Variants in RABL6 observed in about 807,000 individuals in gnomAD.
The protein encoded by RABL6 is rab-like protein 6.
A neutral mutation model predicts 72.9 loss-of-function variants in RABL6; 28 were observed. That is an observed-to-expected ratio of 0.38 (90% confidence interval 0.28 to 0.53). RABL6 has a LOEUF of 0.53. Ranked by LOEUF, RABL6 falls within the 20% of genes least tolerant of loss-of-function variation. The probability of loss-of-function intolerance (pLI) is 0.80; values close to 1 mark genes in which losing one functional copy is unlikely to be tolerated. For synonymous variants in RABL6, 477 were observed against 421.2 expected (o/e 1.13, Z -1.62); for missense variants, 1,029 against 1,008.4 (o/e 1.02, Z -0.28).
At chr9:136,838,104 A>G in intron 10 of RABL6, 89 bp downstream of exon 10, 1 of 1,468,896 alleles carries the variant, frequency 6.8e-7, no homozygotes. Context: ...CTAGGGGCGC[A>G]GAAGGGGCCC....
At chr9:136,836,755 C>T in intron 8 of RABL6, 1 of 165,972 alleles carries the variant, frequency 6.0e-6, no homozygotes, top group Non-Finnish European at 1.3e-5. Context: ...CCAGTTGCTG[C>T]CATCTGGCCA....
chr9:136,813,574 TC>T, intron 1 of RABL6: 1 of 361,706 alleles, frequency 2.8e-6, no homozygotes, highest in Non-Finnish European at 5.2e-6. Flanking sequence ...CCTTTACTCT[TC>T]CCATCCTTGC....
intron 1 of RABL6, among the ~76,000 whole-genome samples, chr9:136,811,523 C>T (rs889958295): frequency 1.3e-5 from 2 of 150,784 alleles, no homozygotes; most frequent in Admixed American, 1.3e-4. Context: ...GAGGCTGAGG[C>T]GGGAGAATCG....
intron 7 of RABL6, among the ~76,000 whole-genome samples, chr9:136,834,690 G>GCT (rs1848552349): frequency 6.6e-6 from 1 of 152,144 alleles, no homozygotes; most frequent in African/African-American, 2.4e-5. Flanking sequence ...TATTGGCCAG[G>GCT]ACGGTCTCGA....
At chr9:136,829,249 C>T in intron 4 of RABL6, 144 bp from the exon 5 acceptor site, 3 of 675,794 alleles carry the variant, frequency 4.4e-6, no homozygotes, top group Admixed American at 2.4e-5. Flanking sequence ...TTTAGCTATC[C>T]CATCTCTTCA....
intron 1 of RABL6, chr9:136,813,058 C>A (rs1588346146): frequency 2.6e-6 from 1 of 378,506 alleles, no homozygotes; most frequent in Non-Finnish European, 5.1e-6. Flanking sequence ...TTTGGGGCAC[C>A]CGGTTTCCTG....
At chr9:136,825,302 G>A (rs1848328590) in intron 2 of RABL6, among the ~76,000 whole-genome samples, 1 of 152,238 alleles carries the variant, frequency 6.6e-6, no homozygotes, top group Non-Finnish European at 1.5e-5. Flanking sequence ...CCATTCATTC[G>A]CACCTGTCAG....
At chr9:136,833,670 G>A (rs1396782776) in intron 7 of RABL6, 1 of 1,547,770 alleles carries the variant, frequency 6.5e-7, no homozygotes, top group Non-Finnish European at 8.7e-7. Flanking sequence ...GACTGGGTCT[G>A]GGGGACCTGG....
At chr9:136,833,470 G>C in intron 7 of RABL6, 2 of 452,092 alleles carry the variant, frequency 4.4e-6, no homozygotes, top group Non-Finnish European at 7.9e-6. Context: ...GTACCTCCTC[G>C]CCCTGGGCTG....
At chr9:136,821,806 GA>G in intron 1 of RABL6, 1 of 1,181,022 alleles carries the variant, frequency 8.5e-7, no homozygotes, top group African/African-American at 1.7e-5. Context: ...GCGGGAGAGG[GA>G]GGGGAACGAG....
At chr9:136,809,247 T>C (rs1330203311) in intron 1 of RABL6, 1 of 161,530 alleles carries the variant, frequency 6.2e-6, no homozygotes, top group Non-Finnish European at 1.4e-5. Context: ...AGAAAGACTC[T>C]TGTGCAGGTT....
chr9:136,828,432 C>T, intron 3 of RABL6, 62 bp from the exon 4 acceptor site: 2 of 1,550,790 alleles, frequency 1.3e-6, no homozygotes, highest in South Asian at 1.1e-5. Context: ...GGGGACCATG[C>T]TCCTCCTATG....
chr9:136,834,497 T>G, intron 7 of RABL6: 1 of 966,186 alleles, frequency 1.0e-6, no homozygotes, highest in Non-Finnish European at 1.2e-6. Context: ...ACTCTTTTTT[T>G]TGGAGACGGA....
chr9:136,824,523 G>T (rs945344138), intron 2 of RABL6, among the ~76,000 whole-genome samples: 1 of 151,820 alleles, frequency 6.6e-6, no homozygotes, highest in Non-Finnish European at 1.5e-5. Context: ...TAGAGACGGG[G>T]TTTCACCATC....
At position 136,832,599 on chromosome 9, in the gene RABL6, G is replaced by A. The variant is rs532627873; in HGVS notation, c.705+229G>A. 124 of 597,726 alleles carry A rather than the reference G, an allele frequency of 2.1e-4. 1 individual carries two copies. The highest frequency in any genetic ancestry group is 2.0e-3 in the African/African-American group (106 of 53,846). The allele number at this position is 597,726 out of a possible 1,614,324, so 37.0% of individuals were successfully genotyped here. A position where few individuals can be genotyped will look rare whatever the true frequency, so the allele number is the denominator to read the frequency against. On this transcript the variant is annotated intron_variant, in intron 7 of 14. Transcript: ENST00000311502. ...GTCCCAGGAGCCCCTCCACCTCTGC[G>A]GGGACCCCTTGCTCAGTTTCCCCCA... is the stretch of plus-strand genomic sequence containing the variant.
intron 1 of RABL6, among the ~76,000 whole-genome samples, chr9:136,811,017 G>A (rs1009648129): frequency 2.0e-5 from 3 of 152,292 alleles, no homozygotes; most frequent in South Asian, 2.1e-4. Context: ...CCCGGTAGAC[G>A]TGTGGGACAC....
rs1430432253 is a variant in RABL6 at position 136,835,787 on chromosome 9, G to T, written c.751G>T (p.Asp251Tyr). 3 of 1,553,762 alleles carry T rather than the reference G, an allele frequency of 1.9e-6. No individual in the cohort carries two copies. The South Asian group carries it at 3.6e-5, about 18-fold the overall frequency. ...GCTGGAGACGAACCAGCTGGACATG[G>T]ACGCCACGCTGGAGGAGCTGTCGGT... ...RQLETNQLDMDATLEELSVQQ... is the reference protein window; with the variant it reads ...RQLETNQLDMYATLEELSVQQ... Residue 251 changes from aspartate (D) to tyrosine (Y), a missense_variant, in exon 8 of 15, where the codon GAC becomes TAC. Transcript: ENST00000311502.
At position 136,837,384 on chromosome 9, in the gene RABL6, C is replaced by G. The variant is rs369093304; in HGVS notation, c.848C>G (p.Ala283Gly). 1 of 1,601,984 alleles carries G rather than the reference C, an allele frequency of 6.2e-7. No homozygotes were observed. Among genetic ancestry groups the G allele is most frequent in the African/African-American group, 1.3e-5 (1 of 74,678 alleles). Residue 283 changes from alanine (A) to glycine (G), a missense_variant, in exon 9 of 15, where the codon GCG becomes GGG. This residue lies in a region of RABL6 where 434 missense variants were observed against 536.1 expected (regional missense o/e 0.81). Transcript: ENST00000311502. ...EMMEARSRGHASPLAANGQSP... is the reference protein window; with the variant it reads ...EMMEARSRGHGSPLAANGQSP... ...ATGGAGGCTCGCAGCCGTGGCCATG[C>G]GTCCCCACTGGCGGCCAACGGGCAG...
Position 136,839,294 on chromosome 9 carries a change from C to T in RABL6, c.1566C>T (p.Gly522=), listed in dbSNP as rs753984097. Residue 522 remains glycine (G), a synonymous_variant, in exon 12 of 15, where the codon GGC becomes GGT. Coordinates refer to ENST00000311502, the MANE Select transcript of RABL6 (RefSeq NM_024718.5). The stretch of plus-strand genomic sequence containing the variant: ...GGACCGCAGCACCCCCCTGGCCAGG[C>T]GGTGTCTCTGTTCGCACAGGTCCGG... ...PTRTAAPPWP[G]GVSVRTGPEK... The T allele has an allele frequency of 4.2e-5, 68 of 1,611,378 alleles. No homozygotes were observed. Among genetic ancestry groups the T allele is most frequent in the South Asian group, 2.0e-4 (18 of 90,852 alleles).
Sources: gnomAD v4.1 joint callset for allele counts (sites outside exome capture counted in the v4.1 genomes callset) on GRCh38, gnomAD v4.1.1 for gene constraint, gnomAD v4.1.1 regional missense constraint, MANE v1.5 for transcripts, NCBI Gene and HGNC (gene_info 2026-07-23, HGNC 2026-07-21) for gene names.